GALNTL6: variants seen among roughly 807,000 people sequenced by gnomAD.
GALNTL6 encodes the protein polypeptide N-acetylgalactosaminyltransferase like 6.
Under a neutral mutation model 73.7 loss-of-function variants are expected in GALNTL6, and 46 were observed. The observed-to-expected ratio is 0.62, with a 90% CI of 0.49 to 0.80. GALNTL6 has a LOEUF of 0.80. Ranked by LOEUF, GALNTL6 falls within the 30% of genes least tolerant of loss-of-function variation. The probability of loss-of-function intolerance (pLI) is 0.00; values close to 1 mark genes in which losing one functional copy is unlikely to be tolerated. For synonymous variants in GALNTL6, 259 were observed against 263.7 expected (o/e 0.98, Z 0.17); for missense variants, 604 against 755.0 (o/e 0.80, Z 2.34).
intron 3 of GALNTL6, among the ~76,000 whole-genome samples, chr4:172,282,039 G>C (rs1038818108): frequency 1.3e-5 from 2 of 151,882 alleles, no homozygotes; most frequent in Non-Finnish European, 2.9e-5. Flanking sequence ...TGGCTACAAA[G>C]AAAAATATTG....
At chr4:172,792,864 A>G (rs1579489313) in intron 5 of GALNTL6, among the ~76,000 whole-genome samples, 1 of 151,934 alleles carries the variant, frequency 6.6e-6, no homozygotes, top group East Asian at 1.9e-4. Flanking sequence ...CTCTTTATCT[A>G]TATAAATATT....
At chr4:173,025,745 A>G (rs947618924) in intron 12 of GALNTL6, among the ~76,000 whole-genome samples, 14 of 152,224 alleles carry the variant, frequency 9.2e-5, no homozygotes, top group African/African-American at 3.4e-4. Flanking sequence ...ATAACAGCCG[A>G]CCATCAGCCC....
chr4:172,540,972 G>A (rs1735531079), intron 5 of GALNTL6, among the ~76,000 whole-genome samples: 2 of 152,152 alleles, frequency 1.3e-5, no homozygotes, highest in Admixed American at 6.5e-5. Flanking sequence ...CGGAAGGCCT[G>A]GCTACATTAA....
At chr4:172,064,448 A>T (rs1176710464) in intron 2 of GALNTL6, among the ~76,000 whole-genome samples, 1 of 152,200 alleles carries the variant, frequency 6.6e-6, no homozygotes, top group Non-Finnish European at 1.5e-5. Context: ...GGTCATAGAC[A>T]ATTTTGATTG....
intron 5 of GALNTL6, among the ~76,000 whole-genome samples, chr4:172,755,516 C>A (rs1459553690): frequency 6.6e-6 from 1 of 152,110 alleles, no homozygotes; most frequent in African/African-American, 2.4e-5. Flanking sequence ...ATCCAAGTAC[C>A]TTGCACACTG....
At chr4:172,332,327 C>T (rs370819758) in intron 4 of GALNTL6, among the ~76,000 whole-genome samples, 3 of 151,848 alleles carry the variant, frequency 2.0e-5, no homozygotes, top group African/African-American at 2.4e-5. Flanking sequence ...TTACAGTGTC[C>T]GTCACTTGAG....
chr4:172,777,017 C>T (rs966254785), intron 5 of GALNTL6, among the ~76,000 whole-genome samples: 1 of 152,144 alleles, frequency 6.6e-6, no homozygotes, highest in African/African-American at 2.4e-5. Flanking sequence ...GCTAATTAAT[C>T]TATTCGTTGC....
At chr4:172,156,540 A>AGTATATATAT (rs58197299) in intron 2 of GALNTL6, among the ~76,000 whole-genome samples, 8 of 125,176 alleles carry the variant, frequency 6.4e-5, no homozygotes, top group African/African-American at 2.4e-4. Flanking sequence ...ATATATATAT[A>AGTATATATAT]ATATATATAT....
At chr4:172,916,294 T>C (rs915572218) in intron 8 of GALNTL6, among the ~76,000 whole-genome samples, 164 of 152,312 alleles carry the variant, frequency 1.1e-3, no homozygotes, top group African/African-American at 3.8e-3. Context: ...AATATCATAC[T>C]GAATGGGCAA....
intron 5 of GALNTL6, among the ~76,000 whole-genome samples, chr4:172,366,714 T>G (rs1450414104): frequency 6.6e-6 from 1 of 152,146 alleles, no homozygotes; most frequent in Non-Finnish European, 1.5e-5. Context: ...TAACCTTGAT[T>G]TTTTCTCTTA....
chr4:172,825,065 T>TTTG (rs1742170246), intron 7 of GALNTL6, among the ~76,000 whole-genome samples: 1 of 149,172 alleles, frequency 6.7e-6, no homozygotes, highest in Non-Finnish European at 1.5e-5. Flanking sequence ...TCTTTTTTTT[T>TTTG]TTTTTGGTTA....
At position 172,067,876 on chromosome 4, in the gene GALNTL6, G is replaced by A. The variant is rs993832090; in HGVS notation, c.139-161780G>A. ...ATTAGTTGAGCCATTGCATGTAGAA[G>A]TGGAGTAAAGGCAGCAGAGGCTCAG... On this transcript the variant is annotated intron_variant, in intron 2 of 12. Transcript: ENST00000506823. 1.8e-5 allele frequency among the ~76,000 whole-genome samples: 2 copies of A among 110,748 alleles called. 1 individual carries two copies. Among genetic ancestry groups the A allele is most frequent in the Admixed American group, 1.9e-4 (2 of 10,694 alleles). 72.7% of individuals were successfully genotyped at this position (110,748 alleles called of 152,430 possible).
intron 7 of GALNTL6, among the ~76,000 whole-genome samples, chr4:172,874,157 G>A (rs1401494704): frequency 6.6e-6 from 1 of 152,218 alleles, no homozygotes; most frequent in African/African-American, 2.4e-5. Flanking sequence ...TCTCCGCTGG[G>A]TATTTTCAGC....
intron 3 of GALNTL6, among the ~76,000 whole-genome samples, chr4:172,286,607 C>T (rs1561006683): frequency 6.6e-6 from 1 of 151,950 alleles, no homozygotes; most frequent in Non-Finnish European, 1.5e-5. Context: ...CACTAAAGGA[C>T]TCAGGAATTA....
intron 5 of GALNTL6, among the ~76,000 whole-genome samples, chr4:172,690,010 T>C (rs1451581114): frequency 6.6e-6 from 1 of 152,148 alleles, no homozygotes; most frequent in African/African-American, 2.4e-5. Flanking sequence ...GGTATATCCA[T>C]AAAGAATGTC....
At chr4:172,713,415 C>A (rs1017485799) in intron 5 of GALNTL6, among the ~76,000 whole-genome samples, 2 of 151,896 alleles carry the variant, frequency 1.3e-5, no homozygotes, top group Admixed American at 6.6e-5. Flanking sequence ...TGTCAGCTGG[C>A]AGCATTCCCT....
chr4:172,764,085 A>G (rs962877710), intron 5 of GALNTL6, among the ~76,000 whole-genome samples: 1 of 151,896 alleles, frequency 6.6e-6, no homozygotes, highest in Non-Finnish European at 1.5e-5. Flanking sequence ...CAGCCTCCCA[A>G]GTAGCTGGGA....
chr4:172,346,722 A>G (rs112490319), intron 4 of GALNTL6, among the ~76,000 whole-genome samples: 1,686 of 152,334 alleles, frequency 0.011, 15 homozygotes, highest in Non-Finnish European at 0.018. Context: ...AGCCTGGCCT[A>G]TATCAAACCT....
intron 5 of GALNTL6, among the ~76,000 whole-genome samples, chr4:172,610,308 TCTTTCTAC>T (rs1025288163): frequency 2.0e-5 from 3 of 152,076 alleles, no homozygotes; most frequent in African/African-American, 7.2e-5. Flanking sequence ...TAAATTGGGA[TCTTTCTAC>T]CTTTTTGATA....
Sources: allele counts gnomAD v4.1 joint callset (sites outside exome capture counted in the v4.1 genomes callset), GRCh38; gene constraint gnomAD v4.1.1; transcripts MANE v1.5; gene names NCBI Gene and HGNC (gene_info 2026-07-23, HGNC 2026-07-21).